Variants in MAP4K2 observed in about 807,000 individuals in gnomAD.
MAP4K2 encodes mitogen-activated protein kinase kinase kinase kinase 2.
MAP4K2 carries 85 observed loss-of-function variants against 125.3 expected under a neutral mutation model. The ratio of observed to expected loss-of-function variants is 0.68; its 90% CI spans 0.57 to 0.81. The LOEUF is 0.81. Ranked by LOEUF, MAP4K2 falls within the 40% of genes least tolerant of loss-of-function variation. MAP4K2 has a pLI of 0.00. For missense variants in MAP4K2, 923 were observed against 1,056.4 expected, an observed-to-expected ratio of 0.87 and a Z score of 1.75; for synonymous variants, 479 against 445.1, an observed-to-expected ratio of 1.08 and a Z score of -0.96.
chr11:64,791,911 G>C lies in MAP4K2; in HGVS notation c.2090C>G (p.Pro697Arg), dbSNP rs374144497. ...AGLTPDILIPPEGIPGSAQQV... is the reference protein window; with the variant it reads ...AGLTPDILIPREGIPGSAQQV... ...AGCAGCCTGGCCCTTCTGCTCACCA[G>C]GTGGGATGAGGATGTCGGGCGTCAG... Residue 697 changes from proline to arginine, a missense_variant and splice_region_variant, in exon 27 of 32, where the codon CCT becomes CGT. Around this residue, in one of 2 missense-constraint regions of MAP4K2, gnomAD observed 833 missense variants for 911.4 expected, o/e 0.91. Coordinates refer to ENST00000294066, the MANE Select transcript of MAP4K2 (RefSeq NM_004579.5). 6.3e-7 allele frequency: 1 copy of C among 1,584,456 alleles called. No individual in the cohort carries two copies. The highest frequency in any genetic ancestry group is 8.6e-7 in the Non-Finnish European group (1 of 1,163,534).
At chr11:64,795,081 A>ATTTT (rs141351266) in intron 24 of MAP4K2, among the ~76,000 whole-genome samples, 1 of 121,678 alleles carries the variant, frequency 8.2e-6, no homozygotes, top group Non-Finnish European at 1.7e-5. Flanking sequence ...TAAGTTTTCG[A>ATTTT]TTTTTTTTTT....
chr11:64,790,531 GC>G, intron 27 of MAP4K2, 69 bp from the exon 28 acceptor site: 1 of 1,458,378 alleles, frequency 6.9e-7, no homozygotes, highest in Non-Finnish European at 9.5e-7. Flanking sequence ...GGATACGGGG[GC>G]CAGGCTACAG....
At chr11:64,795,693 C>A (rs917992152) in intron 24 of MAP4K2, among the ~76,000 whole-genome samples, 4 of 152,242 alleles carry the variant, frequency 2.6e-5, no homozygotes, top group African/African-American at 4.8e-5. Context: ...TGAGCCCCCC[C>A]GCCCAGACTT....
rs1565616209 is a variant in MAP4K2, at chr11:64,796,478, C to T, written c.1633+15G>A. ...CCCCTGCGGACCCTGCCTCCCTGCCCATCCCACCTTGTACCTGAGAGTGAC... is the reference window on the plus strand; with the variant it reads ...CCCCTGCGGACCCTGCCTCCCTGCCTATCCCACCTTGTACCTGAGAGTGAC... On this transcript the variant is annotated intron_variant, in intron 23 of 31. Transcript: ENST00000294066. 4 of 1,613,900 alleles carry T rather than the reference C, an allele frequency of 2.5e-6. No individual in the cohort carries two copies. Among genetic ancestry groups the T allele is most frequent in the Non-Finnish European group, 3.4e-6 (4 of 1,180,018 alleles).
intron 14 of MAP4K2, among the ~76,000 whole-genome samples, 157 bp downstream of exon 14, chr11:64,799,264 A>T (rs1332736600): frequency 1.3e-5 from 2 of 152,304 alleles, no homozygotes; most frequent in East Asian, 3.9e-4. Context: ...CTAACCCTCC[A>T]GGTCCCTGGG....
At chr11:64,796,070 C>A (rs1282589281) in intron 24 of MAP4K2, among the ~76,000 whole-genome samples, 1 of 152,228 alleles carries the variant, frequency 6.6e-6, no homozygotes, top group Admixed American at 6.5e-5. Flanking sequence ...AAAGCACTTT[C>A]ACATCCACTG....
chr11:64,798,370 T>C (rs1273337754), intron 15 of MAP4K2, among the ~76,000 whole-genome samples: 3 of 151,876 alleles, frequency 2.0e-5, no homozygotes, highest in Non-Finnish European at 2.9e-5. Flanking sequence ...TTCACCATGT[T>C]GGCCAGGCTG....
In MAP4K2 at chr11:64,802,867, C is replaced by T. The variant is rs777328965; in HGVS notation, c.154+18G>A. On this transcript the variant is annotated intron_variant, in intron 2 of 31. Transcript: ENST00000294066. ...CTCTGCCCTTCCTCTGGCGCAGAGGCCCGACCCGGGCCCTCACCTGGGTCT... is the reference window on the plus strand; with the variant it reads ...CTCTGCCCTTCCTCTGGCGCAGAGGTCCGACCCGGGCCCTCACCTGGGTCT... 6 of 1,596,796 alleles carry T rather than the reference C, an allele frequency of 3.8e-6. No homozygotes were observed. The South Asian group carries it at 5.6e-5, about 15-fold the overall frequency.
chr11:64,798,760 G>A, intron 15 of MAP4K2, 34 bp downstream of exon 15: 7 of 1,612,190 alleles, frequency 4.3e-6, no homozygotes, highest in African/African-American at 1.3e-5. Context: ...TGCCGCCCCT[G>A]CCACCCCCTG....
chr11:64,796,536 G>T lies in MAP4K2; in HGVS notation c.1590C>A (p.Cys530Ter). ...DTLEKLISHR[C>*]SWLYCVNNVL... ...CGTTGTTCACGCAGTAGAGCCAGGA[G>T]CAGCGATGTGAAATCAGCTGGAGGC... Residue 530 changes from cysteine to a stop codon, truncating the protein, a stop_gained, in exon 23 of 32, where the codon TGC becomes TGA. Coordinates refer to ENST00000294066, the MANE Select transcript of MAP4K2 (RefSeq NM_004579.5). LOFTEE classifies it high-confidence loss of function. The T allele has an allele frequency of 6.2e-7, 1 of 1,613,934 alleles. No individual in the cohort carries two copies. The highest frequency in any genetic ancestry group is 8.5e-7 in the Non-Finnish European group (1 of 1,180,042).
chr11:64,789,793 G>A lies in MAP4K2; in HGVS notation c.2320-8C>T, dbSNP rs761656511. ...TGTGATCTCCTGGGTCACCTGGGAA[G>A]ACAGGTGGGAAGCACTGAGGCCACT... On this transcript the variant is annotated splice_region_variant and splice_polypyrimidine_tract_variant and intron_variant, in intron 30 of 31. Transcript: ENST00000294066. The A allele has an allele frequency of 2.5e-6, 4 of 1,614,118 alleles. No homozygotes were observed. Among genetic ancestry groups the A allele is most frequent in the Admixed American group, 1.7e-5 (1 of 60,028 alleles).
chr11:64,798,251 C>T (rs572758067), intron 15 of MAP4K2, among the ~76,000 whole-genome samples: 5 of 152,184 alleles, frequency 3.3e-5, no homozygotes, highest in South Asian at 2.1e-4. Context: ...CCGCAACCTC[C>T]GCCTCCCGGG....
In MAP4K2 at chr11:64,787,407, A is replaced by T. The variant is rs1940241386; in HGVS notation, c.*2130T>A. The T allele has an allele frequency of 6.6e-6, 1 of 152,184 alleles. No individual in the cohort carries two copies. 9.4% of individuals were successfully genotyped at this position (152,184 alleles called of 1,614,324 possible). On this transcript the variant is annotated 3_prime_UTR_variant, in exon 32 of 32. Coordinates refer to ENST00000294066, the MANE Select transcript of MAP4K2 (RefSeq NM_004579.5). ...ATACGTATATAAAAAATCGCCAAGAATAAAATATACCAAATTGCTTAAATA... is the reference window on the plus strand; with the variant it reads ...ATACGTATATAAAAAATCGCCAAGATTAAAATATACCAAATTGCTTAAATA...
In MAP4K2 at chr11:64,801,613, G is replaced by A. The variant is rs368061510; in HGVS notation, c.423C>T (p.Asn141=). 3 of 1,613,910 alleles carry A rather than the reference G, an allele frequency of 1.9e-6. No individual in the cohort carries two copies. The highest frequency in any genetic ancestry group is 2.7e-5 in the African/African-American group (2 of 74,904). Residue 141 remains asparagine, a synonymous_variant, in exon 7 of 32, where the codon AAC becomes AAT. Coordinates refer to ENST00000294066, the MANE Select transcript of MAP4K2 (RefSeq NM_004579.5). ...GKIHRDIKGA[N]LLLTLQGDVK... ...CATCTCCCTGGAGAGTGAGGAGAAG[G>A]TTGGCTCCCTGTGGGAATGGAGGAG...
rs1384785518 is a variant in MAP4K2, at chr11:64,789,120, C to G, written c.*417G>C. 5.1e-6 allele frequency: 1 copy of G among 197,890 alleles called. No homozygotes were observed. Among genetic ancestry groups the G allele is most frequent in the Non-Finnish European group, 1.0e-5 (1 of 95,404 alleles). The allele number at this position is 197,890 out of a possible 1,614,324, so 12.3% of individuals were successfully genotyped here. On this transcript the variant is annotated 3_prime_UTR_variant, in exon 32 of 32. Coordinates refer to ENST00000294066, the MANE Select transcript of MAP4K2 (RefSeq NM_004579.5). ...ATGAGGTGGGTTCACTCCCCCTACCCAGAGGGACCAGAGGACTAAAACAAA... is the reference window on the plus strand; with the variant it reads ...ATGAGGTGGGTTCACTCCCCCTACCGAGAGGGACCAGAGGACTAAAACAAA...
At chr11:64,797,238 T>C in intron 18 of MAP4K2, 37 bp downstream of exon 18, 1 of 1,603,100 alleles carries the variant, frequency 6.2e-7, no homozygotes, top group Non-Finnish European at 8.5e-7. Flanking sequence ...GCCCCCACCC[T>C]GGGGCTGCCT....
Position 64,796,304 on chromosome 11 carries a change from T to C in MAP4K2, c.1720A>G (p.Thr574Ala). 2 of 1,538,512 alleles carry C rather than the reference T, an allele frequency of 1.3e-6. No individual in the cohort carries two copies. The highest frequency in any genetic ancestry group is 1.8e-6 in the Non-Finnish European group (2 of 1,142,500). ...ATGATGCGCTGGGTGAGGCGGTTGG[T>C]GGGGATGGAGAGGGGAACCTGTTGC... is the stretch of plus-strand genomic sequence containing the variant. ...LQQQVPLSIP[T>A]NRLTQRIIPR... The change falls in exon 24 of 32, where the codon ACC becomes GCC. Residue 574 changes from threonine (T) to alanine (A), a missense_variant. Around this residue, in one of 2 missense-constraint regions of MAP4K2, gnomAD observed 833 missense variants for 911.4 expected, o/e 0.91. Transcript: ENST00000294066.
Position 64,797,393 on chromosome 11 carries a change from G to A in MAP4K2, c.1171-13C>T. ...GGGAGTCCAGCTCCTGGTAGGAGGG[G>A]CAGGGCCCAGCCCGGCCGTTACCAG... On this transcript the variant is annotated splice_polypyrimidine_tract_variant and intron_variant, in intron 17 of 31. Coordinates refer to ENST00000294066, the MANE Select transcript of MAP4K2 (RefSeq NM_004579.5). The A allele has an allele frequency of 6.4e-7, 1 of 1,570,830 alleles. No individual in the cohort carries two copies. The highest frequency in any genetic ancestry group is 8.6e-7 in the Non-Finnish European group (1 of 1,157,518).
intron 15 of MAP4K2, among the ~76,000 whole-genome samples, chr11:64,798,396 C>A (rs1940957571): frequency 6.6e-6 from 1 of 152,138 alleles, no homozygotes; most frequent in South Asian, 2.1e-4. Context: ...AAACTCCTGA[C>A]CTTGGGATCC....
Sources: gnomAD v4.1 joint callset for allele counts (sites outside exome capture counted in the v4.1 genomes callset) on GRCh38, gnomAD v4.1.1 for gene constraint, gnomAD v4.1.1 regional missense constraint, MANE v1.5 for transcripts, NCBI Gene and HGNC (gene_info 2026-07-23, HGNC 2026-07-21) for gene names.